ZNF451: variants seen among roughly 807,000 people sequenced by gnomAD.
The protein encoded by ZNF451 is zinc finger protein 451.
A neutral mutation model predicts 107.1 loss-of-function variants in ZNF451; 80 were observed. The observed-to-expected ratio is 0.75, with a 90% CI of 0.62 to 0.90. ZNF451 has a LOEUF of 0.90. Among genes scored for constraint, ZNF451 ranks in the 40% least tolerant of loss-of-function variants. The pLI is 0.00. For missense variants in ZNF451, 1,107 were observed against 1,236.2 expected (o/e 0.90, Z 1.57); for synonymous variants, 362 against 406.5 (o/e 0.89, Z 1.32).
intron 3 of ZNF451, chr6:57,100,852 C>T: frequency 2.6e-6 from 4 of 1,548,690 alleles, no homozygotes; most frequent in South Asian, 1.2e-5. Flanking sequence ...TTTTCAGACT[C>T]TGCCTTCATC....
At position 57,125,835 on chromosome 6, in the gene ZNF451, A is replaced by G. The variant is rs187312433; in HGVS notation, c.312+976A>G. ...TGTATGTTTTAAATGCTTATTGCATATATACACACACACATACACATATGC... is the reference window on the plus strand; with the variant it reads ...TGTATGTTTTAAATGCTTATTGCATGTATACACACACACATACACATATGC... On this transcript the variant is annotated intron_variant, in intron 4 of 14. Coordinates refer to ENST00000370706, the MANE Select transcript of ZNF451 (RefSeq NM_001031623.3). Among the ~76,000 whole-genome samples the G allele has an allele frequency of 5.4e-5, 8 of 146,866 alleles. No individual in the cohort carries two copies. The East Asian group carries it at 1.5e-3, about 28-fold the overall frequency.
intron 3 of ZNF451, among the ~76,000 whole-genome samples, chr6:57,121,130 G>C (rs118078177): frequency 1.3e-5 from 2 of 152,114 alleles, no homozygotes; most frequent in Non-Finnish European, 2.9e-5. Context: ...AACACCATTT[G>C]TTGGAAAGAC....
chr6:57,116,414 G>A (rs1830373539), intron 3 of ZNF451: 1 of 152,110 alleles, frequency 6.6e-6, no homozygotes, highest in South Asian at 2.1e-4. Flanking sequence ...TAGCCGGGAT[G>A]GTGACACACA....
chr6:57,155,004 G>C (rs1247117807), intron 13 of ZNF451, among the ~76,000 whole-genome samples: 1 of 152,052 alleles, frequency 6.6e-6, no homozygotes, highest in Non-Finnish European at 1.5e-5. Context: ...GCAAAGTTAG[G>C]AATCAGTAAT....
intron 3 of ZNF451, chr6:57,116,779 C>T (rs902711877): frequency 1.3e-5 from 2 of 151,972 alleles, no homozygotes; most frequent in Non-Finnish European, 2.9e-5. Flanking sequence ...TATTGGTAGC[C>T]AGAGTTCCTT....
rs542537766 is a variant in ZNF451, at chr6:57,101,054, G to A, written c.186+1913G>A. ...TTTAGATTTCATCATTCTAGGCCAA[G>A]TGAGAACTCCTCAGTTCCTTGGGAC... is the stretch of plus-strand genomic sequence containing the variant. On this transcript the variant is annotated intron_variant, in intron 3 of 14. Transcript: ENST00000370706. The A allele has an allele frequency of 2.6e-6, 4 of 1,550,674 alleles. No homozygotes were observed. In the South Asian group the frequency reaches 3.6e-5, roughly 14 times the overall value.
intron 13 of ZNF451, among the ~76,000 whole-genome samples, chr6:57,154,892 AT>A (rs200783304): frequency 5.3e-5 from 8 of 149,702 alleles, no homozygotes; most frequent in South Asian, 2.1e-4. Flanking sequence ...TGCCTCCTAG[AT>A]TTTTTTTTTC....
intron 3 of ZNF451, chr6:57,101,229 A>G (rs1438567953): frequency 6.4e-7 from 1 of 1,550,972 alleles, no homozygotes; most frequent in South Asian, 1.2e-5. Flanking sequence ...GAGGTGTTAT[A>G]AAAAGGGTGA....
Position 57,141,335 on chromosome 6 carries a change from C to T in ZNF451, c.736C>T (p.Leu246Phe), listed in dbSNP as rs150092828. 1 of 1,612,470 alleles carries T rather than the reference C, an allele frequency of 6.2e-7. No individual in the cohort carries two copies. Among genetic ancestry groups the T allele is most frequent in the African/African-American group, 1.3e-5 (1 of 75,012 alleles). Residue 246 changes from leucine to phenylalanine, a missense_variant, in exon 8 of 15, where the codon CTT becomes TTT. Physicochemically the swap from Leu to Phe is conservative, Grantham distance 22. Transcript: ENST00000370706. ...ATDDGHNNNL[L>F]PQIIQCFACP... ...AGATGATGGACATAACAACAACCTT[C>T]TTCCTCAGATTATTCAGTGTTTTGC...
chr6:57,104,226 A>C, intron 3 of ZNF451: 1 of 985,404 alleles, frequency 1.0e-6, no homozygotes, highest in Non-Finnish European at 1.2e-6. Context: ...GGCCTAAGAA[A>C]TCATACATTT....
chr6:57,147,773 TG>T lies in ZNF451; in HGVS notation c.1690del (p.Asp564MetfsTer3), dbSNP rs1479006989. On this transcript the variant is annotated frameshift_variant, in exon 10 of 15. Coordinates refer to ENST00000370706, the MANE Select transcript of ZNF451 (RefSeq NM_001031623.3). LOFTEE classifies it high-confidence loss of function. ...AATGGACACAGATATTTTTATGAGA[TG>T]GATGAGGTAGAAGGTGAAACTTTGC... ...FHNGHRYFYE[M>X]DEVEGETLPS... 6.2e-7 allele frequency: 1 copy of T among 1,613,916 alleles called. No individual in the cohort carries two copies. The highest frequency in any genetic ancestry group is 8.5e-7 in the Non-Finnish European group (1 of 1,179,972).
At chr6:57,103,187 T>C in intron 3 of ZNF451, 2 of 985,390 alleles carry the variant, frequency 2.0e-6, no homozygotes, top group Non-Finnish European at 2.4e-6. Context: ...TGTCCCCTTA[T>C]TGTAATAAAG....
rs570953197 is a variant in ZNF451 at position 57,130,607 on chromosome 6, C to G, written c.424+1767C>G. On this transcript the variant is annotated intron_variant, in intron 5 of 14. Transcript: ENST00000370706. Reference sequence around the variant, plus strand: ...CTCATGAGTCTGACACTTTCAAGTCCTATACAGAATGGTAGTCGGGCCAGT... The same window carrying G: ...CTCATGAGTCTGACACTTTCAAGTCGTATACAGAATGGTAGTCGGGCCAGT... 2.0e-5 allele frequency among the ~76,000 whole-genome samples: 3 copies of G among 152,210 alleles called. No homozygotes were observed. In the South Asian group the frequency reaches 6.2e-4, roughly 32 times the overall value.
intron 4 of ZNF451, chr6:57,126,558 C>T (rs1830938563): frequency 6.6e-6 from 1 of 151,974 alleles, no homozygotes; most frequent in East Asian, 1.9e-4. Context: ...GGTGTCTTCA[C>T]TATTAAAGTA....
At chr6:57,140,355 C>T (rs1028064916) in intron 7 of ZNF451, among the ~76,000 whole-genome samples, 6 of 152,040 alleles carry the variant, frequency 3.9e-5, no homozygotes, top group African/African-American at 4.8e-5. Flanking sequence ...CACTTGAACC[C>T]AGAAGTTCGA....
chr6:57,168,119 T>C (rs1726775501), intron 14 of ZNF451, among the ~76,000 whole-genome samples: 1 of 152,186 alleles, frequency 6.6e-6, no homozygotes, highest in African/African-American at 2.4e-5. Context: ...GATTTTTTTT[T>C]AAATGTTGAA....
intron 1 of ZNF451, 43 bp downstream of exon 1, chr6:57,090,317 C>G (rs747127470): frequency 6.2e-7 from 1 of 1,605,776 alleles, no homozygotes; most frequent in Non-Finnish European, 8.5e-7. Context: ...AGAGGCGAAC[C>G]GCGAAGGGTT....
At chr6:57,111,426 G>A (rs1315633997) in intron 3 of ZNF451, among the ~76,000 whole-genome samples, 1 of 151,366 alleles carries the variant, frequency 6.6e-6, no homozygotes, top group Admixed American at 6.6e-5. Context: ...TGTCGCTGAG[G>A]CTAGAGTGCA....
At chr6:57,110,983 C>T (rs759535781) in intron 3 of ZNF451, among the ~76,000 whole-genome samples, 3 of 150,222 alleles carry the variant, frequency 2.0e-5, no homozygotes, top group East Asian at 2.0e-4. Flanking sequence ...ACAGTGGGGT[C>T]ATATCGGCTA....
Sources: gnomAD v4.1 joint callset for allele counts (sites outside exome capture counted in the v4.1 genomes callset) on GRCh38, gnomAD v4.1.1 for gene constraint, MANE v1.5 for transcripts, NCBI Gene and HGNC (gene_info 2026-07-23, HGNC 2026-07-21) for gene names.